The following LAMA1 variants were observed in gnomAD, a reference collection of about 807,000 sequenced individuals.
The protein encoded by LAMA1 is laminin subunit alpha 1.
In LAMA1, 219 loss-of-function variants were observed where a neutral mutation model predicts 348.7. The observed-to-expected ratio is 0.63, with a 90% CI of 0.56 to 0.70. LAMA1 has a LOEUF of 0.70. Among genes scored for constraint, LAMA1 ranks in the 30% least tolerant of loss-of-function variants. The probability of loss-of-function intolerance (pLI) is 0.00; values close to 1 mark genes in which losing one functional copy is unlikely to be tolerated. For missense variants in LAMA1, 3,744 were observed against 3,888.0 expected (o/e 0.96, Z 0.99); for synonymous variants, 1,487 against 1,491.0 (o/e 1.00, Z 0.06).
intron 42 of LAMA1, among the ~76,000 whole-genome samples, chr18:6,979,232 T>C (rs866771455): frequency 5.3e-5 from 8 of 152,190 alleles, no homozygotes; most frequent in Non-Finnish European, 8.8e-5. Context: ...AAATGCTCCA[T>C]TGTTTCAAAG....
intron 34 of LAMA1, among the ~76,000 whole-genome samples, chr18:6,994,357 T>G (rs1297483550): frequency 6.6e-6 from 1 of 152,238 alleles, no homozygotes; most frequent in Non-Finnish European, 1.5e-5. Flanking sequence ...ACTGGGATTT[T>G]TACTCTTTGT....
intron 1 of LAMA1, among the ~76,000 whole-genome samples, chr18:7,102,419 T>TA (rs145457031): frequency 0.072 from 10,714 of 149,436 alleles, 456 homozygotes; most frequent in East Asian, 0.18. Flanking sequence ...AGAGTTCCCT[T>TA]AAAAAAAAGA....
intron 36 of LAMA1, among the ~76,000 whole-genome samples, chr18:6,986,841 C>T (rs1348605838): frequency 6.6e-6 from 1 of 152,178 alleles, no homozygotes; most frequent in Non-Finnish European, 1.5e-5. Flanking sequence ...CTCACTGCAA[C>T]CTCCACCTCC....
In LAMA1 at chr18:7,037,704, C is replaced by T. The variant is rs370931259; in HGVS notation, c.1611G>A (p.Arg537=). The change falls in exon 12 of 63, where the codon AGG becomes AGA. Residue 537 remains arginine (R), a synonymous_variant. Coordinates refer to ENST00000389658, the MANE Select transcript of LAMA1 (RefSeq NM_005559.4). The part of the protein sequence containing the change: ...GWLVTDLISP[R]KIPSQQDALG... ...GTGCATCTTGCTGAGACGGGATCTT[C>T]CTGGGACTGATCAAGTCGGTGACCA... The T allele has an allele frequency of 6.2e-7, 1 of 1,614,038 alleles. No homozygotes were observed. The highest frequency in any genetic ancestry group is 1.3e-5 in the African/African-American group (1 of 74,904).
Position 7,009,339 on chromosome 18 carries a change from A to C in LAMA1, c.3901T>G (p.Ser1301Ala), listed in dbSNP as rs2057848328. Residue 1301 changes from serine to alanine, a missense_variant, in exon 27 of 63, where the codon TCT becomes GCT. Physicochemically the swap from Ser to Ala is moderately conservative, Grantham distance 99 (BLOSUM62 1). Coordinates refer to ENST00000389658, the MANE Select transcript of LAMA1 (RefSeq NM_005559.4). The stretch of plus-strand genomic sequence containing the variant: ...TCCTCTCGCGTGACAGGTTTTTCAG[A>C]AACAGAGTTAAAATATTTCCAAAAA... Reference protein sequence around the residue: ...ENFWKYFNSVSEKPVTREDFM... With the variant: ...ENFWKYFNSVAEKPVTREDFM... 1.2e-6 allele frequency: 2 copies of C among 1,614,166 alleles called. No individual in the cohort carries two copies. Among genetic ancestry groups the C allele is most frequent in the Non-Finnish European group, 1.7e-6 (2 of 1,180,004 alleles).
chr18:6,947,313 G>A lies in LAMA1; in HGVS notation c.8711-17C>T, dbSNP rs766543425. 3 of 1,613,164 alleles carry A rather than the reference G, an allele frequency of 1.9e-6. No homozygotes were observed. In the South Asian group the frequency reaches 3.3e-5, roughly 18 times the overall value. ...CCTCTTTGACTGTAACACACAAGGA[G>A]GACCCAAGTCAGGGTGAGCGCTGCC... On this transcript the variant is annotated splice_polypyrimidine_tract_variant and intron_variant, in intron 60 of 62. Transcript: ENST00000389658.
chr18:6,950,684 A>G, intron 58 of LAMA1, 98 bp downstream of exon 58: 1 of 1,349,388 alleles, frequency 7.4e-7, no homozygotes, highest in Non-Finnish European at 1.1e-6. Flanking sequence ...CGAGATAGAG[A>G]TTAATGGGGA....
At chr18:7,091,329 T>C (rs960955142) in intron 1 of LAMA1, among the ~76,000 whole-genome samples, 15 of 152,196 alleles carry the variant, frequency 9.9e-5, no homozygotes, top group Admixed American at 7.2e-4. Flanking sequence ...CCTAAATCCT[T>C]ACAGGTGAAA....
chr18:6,976,598 A>G (rs1474389338), intron 44 of LAMA1, among the ~76,000 whole-genome samples: 1 of 125,764 alleles, frequency 8.0e-6, no homozygotes, highest in Non-Finnish European at 1.6e-5. Context: ...ATATTTATTT[A>G]TTTATTTATT....
In LAMA1 at chr18:7,018,399, CTTTT is replaced by C. The variant is rs901034443; in HGVS notation, c.2702-1019_2702-1016del. 2.3e-3 allele frequency among the ~76,000 whole-genome samples: 298 copies of C among 128,384 alleles called. 2 individuals carry two copies. The highest frequency in any genetic ancestry group is 8.1e-3 in the African/African-American group (284 of 35,240). The allele number at this position is 128,384 out of a possible 152,430, so 84.2% of individuals were successfully genotyped here. A position where few individuals can be genotyped will look rare whatever the true frequency, so the allele number is the denominator to read the frequency against. On this transcript the variant is annotated intron_variant, in intron 19 of 62. Transcript: ENST00000389658. ...TGCCTGACAAAATATTCCAGGTACT[CTTTT>C]TTTTTTTTTTGAGACGGAGTGTCAC...
At chr18:7,042,620 C>T (rs749635997) in intron 8 of LAMA1, 22 of 289,240 alleles carry the variant, frequency 7.6e-5, no homozygotes, top group Non-Finnish European at 1.5e-4. Context: ...CGTGGTGGCT[C>T]ACATCTGTAA....
chr18:7,011,729 T>C (rs2057861474), intron 24 of LAMA1, among the ~76,000 whole-genome samples: 1 of 152,148 alleles, frequency 6.6e-6, no homozygotes, highest in Non-Finnish European at 1.5e-5. Context: ...ACGGCTGAGA[T>C]TTTGCAGTTC....
intron 15 of LAMA1, among the ~76,000 whole-genome samples, 172 bp from the exon 16 acceptor site, chr18:7,032,348 T>C (rs1202088145): frequency 6.6e-6 from 1 of 152,196 alleles, no homozygotes; most frequent in Non-Finnish European, 1.5e-5. Context: ...AGTAAAAACC[T>C]TACCGAGCTG....
intron 27 of LAMA1, 57 bp from the exon 28 acceptor site, chr18:7,008,665 A>G (rs1358507552): frequency 6.3e-7 from 1 of 1,597,408 alleles, no homozygotes; most frequent in Non-Finnish European, 8.6e-7. Context: ...CTTTCTAGAA[A>G]CATAGCACAT....
chr18:6,943,034 T>G (rs931097013), intron 62 of LAMA1, 146 bp downstream of exon 62: 2 of 715,338 alleles, frequency 2.8e-6, no homozygotes, highest in Non-Finnish European at 5.0e-6. Flanking sequence ...AATTCTTAGA[T>G]ATTTGAAATA....
chr18:6,988,808 TAAAAAAA>T (rs1169877701), intron 36 of LAMA1, among the ~76,000 whole-genome samples: 1 of 100,474 alleles, frequency 1.0e-5, no homozygotes, highest in African/African-American at 4.0e-5. Flanking sequence ...TCCGTCTCAA[TAAAAAAA>T]AAAAAAAAAA....
chr18:6,987,277 A>T (rs922189601), intron 36 of LAMA1, among the ~76,000 whole-genome samples: 2 of 152,214 alleles, frequency 1.3e-5, no homozygotes, highest in African/African-American at 4.8e-5. Flanking sequence ...TGTTGATGGG[A>T]ACTGCAATCT....
rs1334855044 is a variant in LAMA1 at position 7,023,270 on chromosome 18, T to G, written c.2595A>C (p.Ser865=). ...VDPSEAGHCD[S]VTGECLKCLG... is the part of the protein sequence containing the mutation. ...GGCACTTCAGGCACTCCCCGGTGAC[T>G]GAGTCACAGTGACCAGCCTCCGAGG... Residue 865 remains serine, a synonymous_variant, in exon 19 of 63, where the codon TCA becomes TCC. Transcript: ENST00000389658. 8 of 1,614,130 alleles carry G rather than the reference T, an allele frequency of 5.0e-6. No homozygotes were observed. The highest frequency in any genetic ancestry group is 5.9e-6 in the Non-Finnish European group (7 of 1,180,026).
At chr18:7,046,816 C>A (rs2058043420) in intron 5 of LAMA1, among the ~76,000 whole-genome samples, 2 of 152,130 alleles carry the variant, frequency 1.3e-5, no homozygotes, top group Non-Finnish European at 1.5e-5. Flanking sequence ...CTCACCAGTT[C>A]TCTATGTTTT....
Sources: allele counts gnomAD v4.1 joint callset (sites outside exome capture counted in the v4.1 genomes callset), GRCh38; gene constraint gnomAD v4.1.1; transcripts MANE v1.5; gene names NCBI Gene and HGNC (gene_info 2026-07-23, HGNC 2026-07-21).